The following GPR149 variants were observed in gnomAD, a reference collection of about 807,000 sequenced individuals.
GPR149 encodes the protein G protein-coupled receptor 149, also known as probable G protein-coupled receptor 149.
In GPR149, 50 loss-of-function variants were observed where a neutral mutation model predicts 50.2. The observed-to-expected ratio is 1.00, with a 90% CI of 0.79 to 1.26. The LOEUF (loss-of-function observed/expected upper bound fraction) is 1.26. GPR149 is among the 50% of genes most tolerant of loss of function. The pLI, the probability that GPR149 is intolerant of heterozygous loss-of-function variation, is 0.00. For synonymous variants in GPR149, 405 were observed against 358.2 expected (o/e 1.13, Z -1.48); for missense variants, 983 against 895.4 (o/e 1.10, Z -1.25).
intron 3 of GPR149, among the ~76,000 whole-genome samples, chr3:154,357,895 G>T (rs992634034): frequency 1.3e-5 from 2 of 152,176 alleles, no homozygotes; most frequent in Admixed American, 6.5e-5. Flanking sequence ...CAACCCAAAT[G>T]TTCAACAGTG....
At chr3:154,384,151 A>G (rs1714997667) in intron 3 of GPR149, among the ~76,000 whole-genome samples, 1 of 152,186 alleles carries the variant, frequency 6.6e-6, no homozygotes, top group Admixed American at 6.5e-5. Flanking sequence ...CAGAGTGCTG[A>G]AACTTAAAGG....
At chr3:154,413,986 AG>A (rs1711915859) in intron 3 of GPR149, among the ~76,000 whole-genome samples, 1 of 151,936 alleles carries the variant, frequency 6.6e-6, no homozygotes, top group Non-Finnish European at 1.5e-5. Context: ...AGCCATAAAA[AG>A]GAACAAAATA....
intron 3 of GPR149, chr3:154,353,174 C>G: frequency 2.6e-6 from 4 of 1,531,330 alleles, no homozygotes; most frequent in Non-Finnish European, 3.6e-6. Flanking sequence ...TCCCTTCAGA[C>G]CCACTGTAGA....
At chr3:154,415,588 C>T (rs1019702128) in intron 3 of GPR149, among the ~76,000 whole-genome samples, 9 of 151,812 alleles carry the variant, frequency 5.9e-5, no homozygotes, top group South Asian at 2.1e-4. Context: ...AAAAGCAGAG[C>T]GCATGCAGTA....
intron 3 of GPR149, among the ~76,000 whole-genome samples, chr3:154,370,622 T>G (rs1086056): frequency 0.9 from 137,606 of 152,122 alleles, 62,487 homozygotes; most frequent in East Asian, 1. Flanking sequence ...CAGGACTGAA[T>G]GTGCCTGGGG....
At position 154,406,330 on chromosome 3, in the gene GPR149, C is replaced by G. The variant is rs144203977; in HGVS notation, c.1623+14709G>C. 5.3e-5 allele frequency among the ~76,000 whole-genome samples: 8 copies of G among 152,232 alleles called. No individual in the cohort carries two copies. In the East Asian group the frequency reaches 1.5e-3, roughly 29 times the overall value. ...CACACATTGCTGGTGGGAGTAGAAA[C>G]TGGTATAACCTTCTAGAGGGGTATT... is the stretch of plus-strand genomic sequence containing the variant. On this transcript the variant is annotated intron_variant, in intron 3 of 3. Transcript: ENST00000389740.
chr3:154,408,243 A>ATGTG, intron 3 of GPR149, among the ~76,000 whole-genome samples: 1 of 152,350 alleles, frequency 6.6e-6, no homozygotes, highest in African/African-American at 2.4e-5. Flanking sequence ...TCAGATGGAC[A>ATGTG]GAGCAGCATG....
At chr3:154,363,120 G>A (rs1318787565) in intron 3 of GPR149, among the ~76,000 whole-genome samples, 2 of 152,134 alleles carry the variant, frequency 1.3e-5, no homozygotes, top group African/African-American at 4.8e-5. Flanking sequence ...GTTGAGGGGA[G>A]ATGAAACCAC....
chr3:154,359,128 T>C (rs1030187548), intron 3 of GPR149, among the ~76,000 whole-genome samples: 1 of 152,190 alleles, frequency 6.6e-6, no homozygotes, highest in African/African-American at 2.4e-5. Context: ...TTTTTTTTTG[T>C]GCAAAATAAG....
intron 3 of GPR149, among the ~76,000 whole-genome samples, chr3:154,364,371 T>C (rs935884861): frequency 2.0e-5 from 3 of 152,184 alleles, no homozygotes; most frequent in African/African-American, 7.2e-5. Context: ...AATACATCAT[T>C]CCATTCCAGT....
intron 3 of GPR149, among the ~76,000 whole-genome samples, chr3:154,396,714 G>T (rs1041790064): frequency 6.6e-5 from 10 of 151,954 alleles, no homozygotes; most frequent in African/African-American, 2.2e-4. Context: ...TATTATGTAT[G>T]TAAGAACTTT....
chr3:154,338,466 AT>A (rs1423612538), intron 3 of GPR149, among the ~76,000 whole-genome samples, 195 bp from the exon 4 acceptor site: 4 of 152,180 alleles, frequency 2.6e-5, no homozygotes, highest in African/African-American at 7.2e-5. Context: ...CAAATCAGAC[AT>A]TTAATGAGGG....
At chr3:154,362,980 T>C (rs1266528393) in intron 3 of GPR149, among the ~76,000 whole-genome samples, 5 of 152,176 alleles carry the variant, frequency 3.3e-5, no homozygotes, top group African/African-American at 1.2e-4. Context: ...CATTAGCAGA[T>C]AATCTTTGAA....
intron 3 of GPR149, among the ~76,000 whole-genome samples, chr3:154,369,815 A>C (rs888976183): frequency 6.6e-6 from 1 of 152,242 alleles, no homozygotes; most frequent in Non-Finnish European, 1.5e-5. Flanking sequence ...CTTCTTGATC[A>C]GACCTTAAGT....
chr3:154,338,137 A>T lies in GPR149; in HGVS notation c.1758T>A (p.Ser586=). The T allele has an allele frequency of 6.2e-7, 1 of 1,614,154 alleles. No homozygotes were observed. Among genetic ancestry groups the T allele is most frequent in the Non-Finnish European group, 8.5e-7 (1 of 1,180,016 alleles). The change falls in exon 4 of 4, where the codon TCT becomes TCA. Residue 586 remains serine, a synonymous_variant. Coordinates refer to ENST00000389740, the MANE Select transcript of GPR149 (RefSeq NM_001038705.3). ...SAEGQKITPA[S]KKIEVYRSKS... is the part of the protein sequence containing the mutation. ...TGGATCGATAGACTTCTATTTTCTT[A>T]GAGGCTGGAGTTATTTTTTGCCCTT...
chr3:154,394,788 C>T (rs1715252730), intron 3 of GPR149, among the ~76,000 whole-genome samples: 2 of 152,110 alleles, frequency 1.3e-5, no homozygotes, highest in East Asian at 3.9e-4. Context: ...CCAAAGAAGA[C>T]ATACAAATGG....
Position 154,428,729 on chromosome 3 carries a change from AG to A in GPR149, c.886del (p.Leu296SerfsTer9). ...EACRRENRGT[L>X]YGTRSFTVSV... ...CACGGTGAAGCTCCTGGTGCCATAG[AG>A]AGTCCCCCGGTTCTCACGCCTGCAG... is the stretch of plus-strand genomic sequence containing the variant. On this transcript the variant is annotated frameshift_variant, in exon 1 of 4. Transcript: ENST00000389740. LOFTEE classifies it high-confidence loss of function. 1 of 1,614,116 alleles carries A rather than the reference AG, an allele frequency of 6.2e-7. No homozygotes were observed. Among genetic ancestry groups the A allele is most frequent in the South Asian group, 1.1e-5 (1 of 91,062 alleles).
chr3:154,403,204 A>G (rs1169816246), intron 3 of GPR149, among the ~76,000 whole-genome samples: 2 of 152,238 alleles, frequency 1.3e-5, no homozygotes, highest in Non-Finnish European at 1.5e-5. Context: ...ATCATAGTAT[A>G]GAAGCCAGAT....
intron 3 of GPR149, among the ~76,000 whole-genome samples, chr3:154,412,958 T>C (rs1711882455): frequency 1.3e-5 from 2 of 152,078 alleles, no homozygotes; most frequent in South Asian, 4.1e-4. Context: ...AATAGGCACA[T>C]AGACGAATGG....
Sources: allele counts gnomAD v4.1 joint callset (sites outside exome capture counted in the v4.1 genomes callset), GRCh38; gene constraint gnomAD v4.1.1; transcripts MANE v1.5; gene names NCBI Gene and HGNC (gene_info 2026-07-23, HGNC 2026-07-21).